SLC15A4: variants seen among roughly 807,000 people sequenced by gnomAD.
The protein encoded by SLC15A4 is solute carrier family 15 member 4.
A neutral mutation model predicts 46.1 loss-of-function variants in SLC15A4; 26 were observed. That is an observed-to-expected ratio of 0.56 (90% CI 0.41 to 0.78). The LOEUF (loss-of-function observed/expected upper bound fraction) is 0.78. SLC15A4 is among the 30% of genes least tolerant of loss of function. SLC15A4 has a pLI of 0.00. For missense variants in SLC15A4, 751 were observed against 755.7 expected, an observed-to-expected ratio of 0.99 and a Z score of 0.07; for synonymous variants, 370 against 333.4, an observed-to-expected ratio of 1.11 and a Z score of -1.20.
intron 5 of SLC15A4, among the ~76,000 whole-genome samples, chr12:128,802,166 G>A (rs1955525700): frequency 6.6e-6 from 1 of 152,134 alleles, no homozygotes; most frequent in Non-Finnish European, 1.5e-5. Flanking sequence ...GCAGACCCAG[G>A]CAAGGACAGC....
chr12:128,809,200 T>A, intron 4 of SLC15A4, 196 bp downstream of exon 4: 1 of 592,708 alleles, frequency 1.7e-6, no homozygotes. Flanking sequence ...GTTGAATTGA[T>A]GTTAGTCAAC....
intron 5 of SLC15A4, among the ~76,000 whole-genome samples, chr12:128,805,351 T>C (rs970543899): frequency 2.0e-5 from 3 of 152,174 alleles, no homozygotes; most frequent in African/African-American, 7.2e-5. Context: ...AAAGAAACTA[T>C]ATTATTTGAA....
At position 128,819,155 on chromosome 12, in the gene SLC15A4, G is replaced by A. The variant is rs565943567; in HGVS notation, c.547-4085C>T. Among the ~76,000 whole-genome samples the A allele has an allele frequency of 2.3e-3, 357 of 152,250 alleles. 2 individuals carry two copies. Among genetic ancestry groups the A allele is most frequent in the African/African-American group, 8.0e-3 (334 of 41,540 alleles). ...GCGGTGGCTCACGCCTGTAATCCCAGAACTTTGGGAGGCCGAGGCAGGTGG... is the reference window on the plus strand; with the variant it reads ...GCGGTGGCTCACGCCTGTAATCCCAAAACTTTGGGAGGCCGAGGCAGGTGG... On this transcript the variant is annotated intron_variant, in intron 1 of 7. Transcript: ENST00000266771.
At position 128,809,430 on chromosome 12, in the gene SLC15A4, G is replaced by A; in HGVS notation, c.1055C>T (p.Pro352Leu). 1 of 1,609,272 alleles carries A rather than the reference G, an allele frequency of 6.2e-7. No individual in the cohort carries two copies. ...YVLQSLHLRI[P>L]EISNITTTPH... ...AGTGGTTGTAATATTTGAAATTTCTGGAATCCTCAAATGAAGACTCTGTAA... is the reference window on the plus strand; with the variant it reads ...AGTGGTTGTAATATTTGAAATTTCTAGAATCCTCAAATGAAGACTCTGTAA... Residue 352 changes from proline to leucine, a missense_variant, in exon 4 of 8, where the codon CCA becomes CTA. Coordinates refer to ENST00000266771, the MANE Select transcript of SLC15A4 (RefSeq NM_145648.4).
intron 2 of SLC15A4, chr12:128,810,349 G>A (rs1955641004): frequency 1.7e-5 from 8 of 464,334 alleles, no homozygotes; most frequent in Middle Eastern, 6.2e-4. Flanking sequence ...CTGGGCTACT[G>A]TAATTTTGGC....
rs1238810593 is a variant in SLC15A4 at position 128,808,964 on chromosome 12, G to A, written c.1090-8C>T. On this transcript the variant is annotated splice_region_variant and splice_polypyrimidine_tract_variant and intron_variant, in intron 4 of 7. Coordinates refer to ENST00000266771, the MANE Select transcript of SLC15A4 (RefSeq NM_145648.4). ...CAGCCAGGCTGCAGGGAGCTGGGGTGAAACACAGGAGGAGGCGTTTACTCC... is the reference window on the plus strand; with the variant it reads ...CAGCCAGGCTGCAGGGAGCTGGGGTAAAACACAGGAGGAGGCGTTTACTCC... The A allele has an allele frequency of 6.2e-7, 1 of 1,610,446 alleles. No homozygotes were observed. Among genetic ancestry groups the A allele is most frequent in the Non-Finnish European group, 8.5e-7 (1 of 1,177,852 alleles).
chr12:128,804,542 C>T (rs911184637), intron 5 of SLC15A4, among the ~76,000 whole-genome samples: 3 of 152,074 alleles, frequency 2.0e-5, no homozygotes, highest in South Asian at 2.1e-4. Context: ...CCAACTTGGC[C>T]AATATGGTGA....
intron 6 of SLC15A4, 89 bp downstream of exon 6, chr12:128,800,765 T>C (rs957434175): frequency 1.5e-6 from 2 of 1,376,944 alleles, no homozygotes; most frequent in African/African-American, 2.9e-5. Context: ...GCTATCCTTG[T>C]CTCAACATAT....
At chr12:128,820,652 T>C (rs1240874860) in intron 1 of SLC15A4, among the ~76,000 whole-genome samples, 3 of 95,866 alleles carry the variant, frequency 3.1e-5, no homozygotes, top group Non-Finnish European at 2.5e-5. Context: ...GTACGTGTCA[T>C]GTAGACTAAG....
At chr12:128,802,047 C>T (rs887805646) in intron 5 of SLC15A4, among the ~76,000 whole-genome samples, 10 of 152,264 alleles carry the variant, frequency 6.6e-5, no homozygotes, top group South Asian at 2.1e-4. Flanking sequence ...GAGAGACCTT[C>T]GAGCCAACCC....
At chr12:128,811,725 T>TGTGAA (rs1248437969) in intron 2 of SLC15A4, among the ~76,000 whole-genome samples, 1 of 152,262 alleles carries the variant, frequency 6.6e-6, no homozygotes, top group Non-Finnish European at 1.5e-5. Context: ...TCATATTAAA[T>TGTGAA]ACCTTTCACT....
At position 128,814,820 on chromosome 12, in the gene SLC15A4, T is replaced by C; in HGVS notation, c.797A>G (p.Tyr266Cys). Reference protein sequence around the residue: ...AFTDMFKILTYSCCSQKRSGE... With the variant: ...AFTDMFKILTCSCCSQKRSGE... ...ACTTCGCTTCTGGGAACAGCAGGAA[T>C]ACGTCAGTATCTTGAACATGTCGGT... The change falls in exon 2 of 8, where the codon TAT becomes TGT. Residue 266 changes from tyrosine (Y) to cysteine (C), a missense_variant. Tyr to Cys is a radical substitution (Grantham distance 194). Coordinates refer to ENST00000266771, the MANE Select transcript of SLC15A4 (RefSeq NM_145648.4). 6.2e-7 allele frequency: 1 copy of C among 1,614,240 alleles called. No individual in the cohort carries two copies. Among genetic ancestry groups the C allele is most frequent in the South Asian group, 1.1e-5 (1 of 91,082 alleles).
At position 128,823,359 on chromosome 12, in the gene SLC15A4, T is replaced by TGGACAG. The variant is rs988047367; in HGVS notation, c.546+33_546+38dup. On this transcript the variant is annotated intron_variant, in intron 1 of 7. Coordinates refer to ENST00000266771, the MANE Select transcript of SLC15A4 (RefSeq NM_145648.4). ...GAAGAGGCTGGGGCTGGGCAGGGGCTGGACAGGGACAGGGACAGCGCGCGG... is the reference window on the plus strand; with the variant it reads ...GAAGAGGCTGGGGCTGGGCAGGGGCTGGACAGGGACAGGGACAGGGACAGCGCGCGG... 2.0e-5 allele frequency: 27 copies of TGGACAG among 1,361,392 alleles called. No homozygotes were observed. The Admixed American group carries it at 2.2e-4, about 11-fold the overall frequency. 84.3% of individuals were successfully genotyped at this position (1,361,392 alleles called of 1,614,324 possible). A position where few individuals can be genotyped will look rare whatever the true frequency, so the allele number is the denominator to read the frequency against.
intron 7 of SLC15A4, among the ~76,000 whole-genome samples, chr12:128,797,923 C>T (rs1278148650): frequency 2.0e-5 from 3 of 152,246 alleles, no homozygotes; most frequent in Admixed American, 1.3e-4. Flanking sequence ...GGCAAACACG[C>T]CTCCTTCATG....
chr12:128,814,575 C>T (rs1955718008), intron 2 of SLC15A4, 200 bp downstream of exon 2: 2 of 582,544 alleles, frequency 3.4e-6, no homozygotes, highest in South Asian at 2.3e-5. Context: ...TGGAATCAGG[C>T]CACTGGCCTG....
chr12:128,801,625 G>A lies in SLC15A4; in HGVS notation c.1259-616C>T, dbSNP rs1394846406. 8 of 152,338 alleles carry A rather than the reference G, an allele frequency of 5.3e-5. No individual in the cohort carries two copies. The East Asian group carries it at 1.4e-3, about 26-fold the overall frequency. 9.4% of individuals were successfully genotyped at this position (152,338 alleles called of 1,614,324 possible). A position where few individuals can be genotyped will look rare whatever the true frequency, so the allele number is the denominator to read the frequency against. ...GGCTAAGTTACTGGTCACCTATCAAGTGTAACAGAAAGACATGAGAAAAAC... is the reference window on the plus strand; with the variant it reads ...GGCTAAGTTACTGGTCACCTATCAAATGTAACAGAAAGACATGAGAAAAAC... On this transcript the variant is annotated intron_variant, in intron 5 of 7. Coordinates refer to ENST00000266771, the MANE Select transcript of SLC15A4 (RefSeq NM_145648.4).
At chr12:128,820,359 G>A (rs538515229) in intron 1 of SLC15A4, among the ~76,000 whole-genome samples, 4 of 152,354 alleles carry the variant, frequency 2.6e-5, no homozygotes, top group African/African-American at 7.2e-5. Context: ...CATCAGTAAA[G>A]TGGATCTAAG....
Position 128,798,168 on chromosome 12 carries a change from G to A in SLC15A4, c.1573+1091C>T, listed in dbSNP as rs146897287. On this transcript the variant is annotated intron_variant, in intron 7 of 7. Coordinates refer to ENST00000266771, the MANE Select transcript of SLC15A4 (RefSeq NM_145648.4). ...CATTTAAAGATAAAACAAAAACCAA[G>A]AACCAGAATCTTCGTCTTCAGAACT... Among the ~76,000 whole-genome samples, 338 of 152,330 alleles carry A rather than the reference G, an allele frequency of 2.2e-3. 1 individual carries two copies. The highest frequency in any genetic ancestry group is 4.5e-3 in the Admixed American group (69 of 15,300).
chr12:128,823,931 C>A lies in SLC15A4; in HGVS notation c.13G>T (p.Gly5Trp). Residue 5 changes from glycine (G) to tryptophan (W), a missense_variant, in exon 1 of 8, where the codon GGG becomes TGG. Coordinates refer to ENST00000266771, the MANE Select transcript of SLC15A4 (RefSeq NM_145648.4). Reference protein sequence around the residue: MEGSGGGAGERAPLL... With the variant: MEGSWGGAGERAPLL... ...GGCGCCCGCTCGCCCGCACCGCCCCCAGAGCCCTCCATGCGACGCCGCCAG... is the reference window on the plus strand; with the variant it reads ...GGCGCCCGCTCGCCCGCACCGCCCCAAGAGCCCTCCATGCGACGCCGCCAG... 1 of 646,518 alleles carries A rather than the reference C, an allele frequency of 1.5e-6. No homozygotes were observed. The highest frequency in any genetic ancestry group is 6.5e-5 in the South Asian group (1 of 15,274). 40.0% of individuals were successfully genotyped at this position (646,518 alleles called of 1,614,324 possible). A position where few individuals can be genotyped will look rare whatever the true frequency, so the allele number is the denominator to read the frequency against.
Sources: gnomAD v4.1 joint callset for allele counts (sites outside exome capture counted in the v4.1 genomes callset) on GRCh38, gnomAD v4.1.1 for gene constraint, MANE v1.5 for transcripts, NCBI Gene and HGNC (gene_info 2026-07-23, HGNC 2026-07-21) for gene names.